Variants in JAKMIP2 observed in about 807,000 individuals in gnomAD.
JAKMIP2 encodes the protein janus kinase and microtubule-interacting protein 2.
JAKMIP2 carries 25 observed loss-of-function variants against 115.0 expected under a neutral mutation model. That is an observed-to-expected ratio of 0.22 (90% CI 0.16 to 0.30). JAKMIP2 has a LOEUF of 0.30. Among genes scored for constraint, JAKMIP2 ranks in the 10% least tolerant of loss-of-function variants. The pLI is 1.00. For missense variants in JAKMIP2, 642 were observed against 957.6 expected (o/e 0.67, Z 4.35); for synonymous variants, 334 against 343.6 (o/e 0.97, Z 0.31).
chr5:147,736,191 C>A (rs888850675), intron 1 of JAKMIP2, among the ~76,000 whole-genome samples: 1 of 152,058 alleles, frequency 6.6e-6, no homozygotes, highest in Non-Finnish European at 1.5e-5. Context: ...CACAGTGGCT[C>A]ACACCTGTAA....
chr5:147,779,095 T>C (rs1755665794), intron 1 of JAKMIP2, among the ~76,000 whole-genome samples: 2 of 152,090 alleles, frequency 1.3e-5, no homozygotes, highest in Non-Finnish European at 2.9e-5. Flanking sequence ...CATTGACTTT[T>C]CATGAACCAA....
chr5:147,731,079 G>C (rs1358658473), intron 1 of JAKMIP2, among the ~76,000 whole-genome samples: 3 of 152,136 alleles, frequency 2.0e-5, no homozygotes, highest in African/African-American at 7.2e-5. Flanking sequence ...AAAATGAATG[G>C]GCAGGAAATG....
intron 1 of JAKMIP2, among the ~76,000 whole-genome samples, chr5:147,679,305 T>A (rs539558907): frequency 2.0e-5 from 3 of 152,208 alleles, no homozygotes; most frequent in African/African-American, 7.2e-5. Context: ...CTACTGACTC[T>A]CACATCATAA....
chr5:147,590,133 C>T lies in JAKMIP2; in HGVS notation c.*1574G>A, dbSNP rs1229286996. 6.6e-6 allele frequency: 1 copy of T among 152,268 alleles called. No individual in the cohort carries two copies. The highest frequency in any genetic ancestry group is 1.9e-4 in the East Asian group (1 of 5,176). The allele number at this position is 152,268 out of a possible 1,614,324, so 9.4% of individuals were successfully genotyped here. On this transcript the variant is annotated 3_prime_UTR_variant, in exon 22 of 22. Coordinates refer to ENST00000616793, the MANE Select transcript of JAKMIP2 (RefSeq NM_001270941.2). ...GTACATTCTTCAGTTATTGTTCTGGCTTTGCAAATGCCAGTGCTAAAACTG... is the reference window on the plus strand; with the variant it reads ...GTACATTCTTCAGTTATTGTTCTGGTTTTGCAAATGCCAGTGCTAAAACTG...
intron 1 of JAKMIP2, among the ~76,000 whole-genome samples, chr5:147,763,577 T>C (rs1755010042): frequency 6.6e-6 from 1 of 152,152 alleles, no homozygotes; most frequent in Non-Finnish European, 1.5e-5. Flanking sequence ...TTGCATTTTG[T>C]CTCTGGAGAC....
At chr5:147,776,431 C>G (rs1484663186) in intron 1 of JAKMIP2, among the ~76,000 whole-genome samples, 1 of 152,198 alleles carries the variant, frequency 6.6e-6, no homozygotes, top group Non-Finnish European at 1.5e-5. Context: ...TGCTTGCTTT[C>G]TCTTCTGCCA....
At chr5:147,613,852 C>T (rs924532738) in intron 19 of JAKMIP2, among the ~76,000 whole-genome samples, 16 of 152,012 alleles carry the variant, frequency 1.1e-4, no homozygotes, top group African/African-American at 2.9e-4. Context: ...CAGAGTGAGA[C>T]CATAAAGGTT....
rs1384779804 is a variant in JAKMIP2, at chr5:147,591,673, T to C, written c.*34A>G. 1.9e-6 allele frequency: 3 copies of C among 1,596,104 alleles called. No individual in the cohort carries two copies. Among genetic ancestry groups the C allele is most frequent in the Admixed American group, 1.7e-5 (1 of 58,848 alleles). ...ACTTGTCTTCCTGGGATCTTATCCA[T>C]GTTTTCGGTTACTCTGCAAAACAGA... is the stretch of plus-strand genomic sequence containing the variant. On this transcript the variant is annotated 3_prime_UTR_variant, in exon 22 of 22. Transcript: ENST00000616793.
chr5:147,772,617 AGT>A (rs942860573), intron 1 of JAKMIP2, among the ~76,000 whole-genome samples: 1 of 151,972 alleles, frequency 6.6e-6, no homozygotes, highest in Admixed American at 6.6e-5. Context: ...TTTGGATAAA[AGT>A]GTGTTTTAAA....
At chr5:147,766,934 A>G (rs1453789304) in intron 1 of JAKMIP2, among the ~76,000 whole-genome samples, 1 of 152,144 alleles carries the variant, frequency 6.6e-6, no homozygotes, top group Admixed American at 6.6e-5. Flanking sequence ...GCCGTAATAT[A>G]AACTGATAAA....
rs144662087 is a variant in JAKMIP2, at chr5:147,597,958, C to A, written c.*20+3783G>T. Among the ~76,000 whole-genome samples the A allele has an allele frequency of 9.1e-4, 134 of 147,684 alleles. 2 individuals carry two copies. In the East Asian group the frequency reaches 0.023, roughly 25 times the overall value. On this transcript the variant is annotated intron_variant, in intron 21 of 21. Coordinates refer to ENST00000616793, the MANE Select transcript of JAKMIP2 (RefSeq NM_001270941.2). ...CTTTGGCCTTTGACTGAGAGTTACACCTCTGGCTTCCTTGGTTCTTGGGTC... is the reference window on the plus strand; with the variant it reads ...CTTTGGCCTTTGACTGAGAGTTACAACTCTGGCTTCCTTGGTTCTTGGGTC...
At chr5:147,597,436 T>A (rs908417960) in intron 21 of JAKMIP2, among the ~76,000 whole-genome samples, 5 of 152,194 alleles carry the variant, frequency 3.3e-5, no homozygotes, top group Non-Finnish European at 5.9e-5. Context: ...AGAAATATCA[T>A]TAAAATTTAT....
chr5:147,749,249 T>A (rs891972882), intron 1 of JAKMIP2, among the ~76,000 whole-genome samples: 4 of 151,644 alleles, frequency 2.6e-5, no homozygotes, highest in African/African-American at 9.7e-5. Flanking sequence ...AAAAAAAAAA[T>A]TCACTAACAT....
In JAKMIP2 at chr5:147,648,402, A is replaced by G. The variant is rs200471120; in HGVS notation, c.910T>C (p.Leu304=). The part of the protein sequence containing the change: ...TIRKLEDRNT[L]LGDERNELLK... The stretch of plus-strand genomic sequence containing the variant: ...AGTTCATTTCGTTCATCTCCAAGCA[A>G]GGTATTCCTGTCTTCTAATTTTCTT... Residue 304 remains leucine, a synonymous_variant, in exon 5 of 22, where the codon TTG becomes CTG. Coordinates refer to ENST00000616793, the MANE Select transcript of JAKMIP2 (RefSeq NM_001270941.2). The G allele has an allele frequency of 1.9e-6, 3 of 1,607,622 alleles. No homozygotes were observed. Among genetic ancestry groups the G allele is most frequent in the South Asian group, 1.1e-5 (1 of 90,880 alleles).
intron 1 of JAKMIP2, among the ~76,000 whole-genome samples, chr5:147,714,939 T>G (rs1752914522): frequency 6.6e-6 from 1 of 152,068 alleles, no homozygotes; most frequent in South Asian, 2.1e-4. Flanking sequence ...AATGAGTGAG[T>G]AAAAGTGATA....
At chr5:147,740,173 G>C (rs1754091258) in intron 1 of JAKMIP2, among the ~76,000 whole-genome samples, 1 of 152,178 alleles carries the variant, frequency 6.6e-6, no homozygotes, top group Non-Finnish European at 1.5e-5. Flanking sequence ...GATGCCACCA[G>C]GAGTGCTTGT....
intron 1 of JAKMIP2, among the ~76,000 whole-genome samples, chr5:147,738,479 C>T (rs1754009905): frequency 6.6e-6 from 1 of 152,136 alleles, no homozygotes; most frequent in African/African-American, 2.4e-5. Context: ...ACAAGACCTT[C>T]CTGGATAGTT....
intron 1 of JAKMIP2, among the ~76,000 whole-genome samples, chr5:147,698,679 C>T (rs1027442361): frequency 3.9e-5 from 6 of 152,160 alleles, no homozygotes; most frequent in Admixed American, 1.3e-4. Context: ...TCTCCTGCTG[C>T]CTTGTGAGGA....
intron 1 of JAKMIP2, among the ~76,000 whole-genome samples, chr5:147,698,345 T>C (rs1752188836): frequency 6.6e-6 from 1 of 152,186 alleles, no homozygotes; most frequent in Non-Finnish European, 1.5e-5. Context: ...TTGTCTCAGA[T>C]GAGACTTTGG....
Sources: gnomAD v4.1 joint callset for allele counts (sites outside exome capture counted in the v4.1 genomes callset) on GRCh38, gnomAD v4.1.1 for gene constraint, MANE v1.5 for transcripts, NCBI Gene and HGNC (gene_info 2026-07-23, HGNC 2026-07-21) for gene names.